The following TRIT1 variants were observed in gnomAD, a reference collection of about 807,000 sequenced individuals.
The protein encoded by TRIT1 is tRNA isopentenyltransferase 1.
TRIT1 carries 43 observed loss-of-function variants against 51.2 expected under a neutral mutation model. That is an observed-to-expected ratio of 0.84 (90% CI 0.66 to 1.08). The LOEUF is 1.08. Ranked by LOEUF, TRIT1 falls within the 50% of genes least tolerant of loss-of-function variation. The pLI is 0.00. For missense variants in TRIT1, 528 were observed against 578.4 expected, an observed-to-expected ratio of 0.91 and a Z score of 0.89; for synonymous variants, 184 against 203.9, an observed-to-expected ratio of 0.90 and a Z score of 0.83.
chr1:39,872,331 A>G (rs1643905765), intron 1 of TRIT1, among the ~76,000 whole-genome samples: 1 of 144,964 alleles, frequency 6.9e-6, no homozygotes, highest in Admixed American at 7.0e-5. Flanking sequence ...GAGGAAAACA[A>G]AAGGAGCTGA....
At chr1:39,843,540 G>C (rs1569957811) in intron 10 of TRIT1, among the ~76,000 whole-genome samples, 1 of 152,278 alleles carries the variant, frequency 6.6e-6, no homozygotes, top group Non-Finnish European at 1.5e-5. Flanking sequence ...ATACATGTGT[G>C]ACAGGCTTAC....
intron 1 of TRIT1, among the ~76,000 whole-genome samples, chr1:39,870,718 A>C (rs1643852491): frequency 6.6e-6 from 1 of 152,172 alleles, no homozygotes; most frequent in Admixed American, 6.5e-5. Context: ...AAAATGGTAC[A>C]GTCATTTTAG....
At position 39,841,830 on chromosome 1, in the gene TRIT1, G is replaced by GGGGAAAA; in HGVS notation, c.1317_1318insTTTTCCC (p.Gln440PhefsTer10). The GGGGAAAA allele has an allele frequency of 6.2e-7, 1 of 1,614,056 alleles. No homozygotes were observed. Among genetic ancestry groups the GGGGAAAA allele is most frequent in the Non-Finnish European group, 8.5e-7 (1 of 1,179,972 alleles). ...TTGTTATGGTCTGGGGAAACACTCT[G>GGGGAAAA]ACTTTCTATGGTGTTGACAGCATCT... On this transcript the variant is annotated frameshift_variant, in exon 11 of 11. Transcript: ENST00000316891. LOFTEE classifies it low-confidence loss of function (END_TRUNC).
At chr1:39,881,435 C>G (rs575051495) in intron 1 of TRIT1, 1 of 152,190 alleles carries the variant, frequency 6.6e-6, no homozygotes, top group Non-Finnish European at 1.5e-5. Flanking sequence ...TCCTTACACA[C>G]TGCCTTCATC....
chr1:39,850,357 C>G, intron 4 of TRIT1, 96 bp from the exon 5 acceptor site: 2 of 1,456,354 alleles, frequency 1.4e-6, no homozygotes, highest in Middle Eastern at 2.1e-4. Flanking sequence ...CTGTTTATTA[C>G]AGAAAGCCTC....
intron 4 of TRIT1, 70 bp downstream of exon 4, chr1:39,852,660 TG>T: frequency 6.5e-7 from 1 of 1,548,574 alleles, no homozygotes; most frequent in Non-Finnish European, 8.7e-7. Context: ...TCTCATCATC[TG>T]GGCAAACTGA....
intron 1 of TRIT1, among the ~76,000 whole-genome samples, chr1:39,860,477 T>G (rs1262716453): frequency 6.6e-6 from 1 of 152,222 alleles, no homozygotes; most frequent in South Asian, 2.1e-4. Context: ...AGATTTGGGA[T>G]GCTCAATTGG....
chr1:39,862,791 A>G, intron 1 of TRIT1: 2 of 985,324 alleles, frequency 2.0e-6, no homozygotes, highest in Non-Finnish European at 2.4e-6. Context: ...CACTTACCCT[A>G]TTTTTCAGCT....
Position 39,862,476 on chromosome 1 carries a change from C to T in TRIT1, c.175-5059G>A, listed in dbSNP as rs118071691. Among the ~76,000 whole-genome samples, 140 of 152,276 alleles carry T rather than the reference C, an allele frequency of 9.2e-4. No homozygotes were observed. The East Asian group carries it at 0.022, about 24-fold the overall frequency. ...TTGAAATTCAGTTGAGTTGTGGTTA[C>T]ACAGATATTTTAACTTTTTATTATT... On this transcript the variant is annotated intron_variant, in intron 1 of 10. Transcript: ENST00000316891.
chr1:39,854,161 G>C, intron 2 of TRIT1, 93 bp from the exon 3 acceptor site: 1 of 918,516 alleles, frequency 1.1e-6, no homozygotes. Flanking sequence ...TTTATCTGCA[G>C]AGCAGAGGAG....
At chr1:39,867,051 G>C (rs948132469) in intron 1 of TRIT1, among the ~76,000 whole-genome samples, 4 of 152,206 alleles carry the variant, frequency 2.6e-5, no homozygotes, top group African/African-American at 9.7e-5. Flanking sequence ...GAGACTCATG[G>C]TTTGGAATTT....
chr1:39,855,106 C>T (rs908187155), intron 2 of TRIT1, among the ~76,000 whole-genome samples: 3 of 152,240 alleles, frequency 2.0e-5, no homozygotes, highest in Admixed American at 1.3e-4. Flanking sequence ...TCCACTGCAG[C>T]ATCCCAAAGT....
At chr1:39,863,913 T>G (rs1643389637) in intron 1 of TRIT1, among the ~76,000 whole-genome samples, 1 of 152,168 alleles carries the variant, frequency 6.6e-6, no homozygotes, top group Admixed American at 6.6e-5. Flanking sequence ...TTTTGTTCAC[T>G]GGGAGACATC....
intron 1 of TRIT1, among the ~76,000 whole-genome samples, chr1:39,881,214 G>GA (rs1403774606): frequency 1.5e-5 from 2 of 130,060 alleles, no homozygotes; most frequent in African/African-American, 5.9e-5. Context: ...CAACAAGAGC[G>GA]AAACTCTGTC....
At chr1:39,869,571 G>A (rs991347758) in intron 1 of TRIT1, among the ~76,000 whole-genome samples, 4 of 151,872 alleles carry the variant, frequency 2.6e-5, no homozygotes, top group African/African-American at 7.3e-5. Context: ...CCCATCGTCT[G>A]GGATGTGAGG....
At chr1:39,869,990 C>A (rs868575838) in intron 1 of TRIT1, among the ~76,000 whole-genome samples, 2 of 152,112 alleles carry the variant, frequency 1.3e-5, no homozygotes, top group Non-Finnish European at 2.9e-5. Flanking sequence ...TCTCTCCGGC[C>A]GCCACCCCGT....
intron 4 of TRIT1, chr1:39,852,495 A>G (rs1642638245): frequency 2.0e-6 from 1 of 489,936 alleles, no homozygotes; most frequent in Non-Finnish European, 3.6e-6. Flanking sequence ...TATAGGCCCT[A>G]GGGGAAAACG....
rs1200434308 is a variant in TRIT1 at position 39,841,076 on chromosome 1, A to T, written c.*668T>A. ...TCTTGTAAATTTTTTCTTTATTTAAACTTCAATAAAAATATAGATTTGTAA... is the reference window on the plus strand; with the variant it reads ...TCTTGTAAATTTTTTCTTTATTTAATCTTCAATAAAAATATAGATTTGTAA... On this transcript the variant is annotated 3_prime_UTR_variant, in exon 11 of 11. Coordinates refer to ENST00000316891, the MANE Select transcript of TRIT1 (RefSeq NM_017646.6). 6.6e-6 allele frequency: 1 copy of T among 152,224 alleles called. No homozygotes were observed. Among genetic ancestry groups the T allele is most frequent in the Non-Finnish European group, 1.5e-5 (1 of 68,036 alleles). 9.4% of individuals were successfully genotyped at this position (152,224 alleles called of 1,614,324 possible).
chr1:39,860,224 G>A (rs902216422), intron 1 of TRIT1, among the ~76,000 whole-genome samples: 1 of 152,112 alleles, frequency 6.6e-6, no homozygotes, highest in Admixed American at 6.5e-5. Flanking sequence ...ACTAAATCTT[G>A]GTTACTAATA....
Sources: allele counts gnomAD v4.1 joint callset (sites outside exome capture counted in the v4.1 genomes callset), GRCh38; gene constraint gnomAD v4.1.1; transcripts MANE v1.5; gene names NCBI Gene and HGNC (gene_info 2026-07-23, HGNC 2026-07-21).